PTPRN2: variants seen among roughly 807,000 people sequenced by gnomAD.
PTPRN2 encodes the protein protein tyrosine phosphatase receptor type N2.
PTPRN2 carries 74 observed loss-of-function variants against 118.8 expected under a neutral mutation model. The ratio of observed to expected loss-of-function variants is 0.62; its 90% confidence interval spans 0.52 to 0.76. The LOEUF is 0.76. PTPRN2 is among the 30% of genes least tolerant of loss of function. The probability of loss-of-function intolerance (pLI) is 0.00; values close to 1 mark genes in which losing one functional copy is unlikely to be tolerated. For missense variants in PTPRN2, 1,481 were observed against 1,394.4 expected, an observed-to-expected ratio of 1.06 and a Z score of -0.99; for synonymous variants, 641 against 608.0, an observed-to-expected ratio of 1.05 and a Z score of -0.80.
rs562437225 is a variant in PTPRN2, at chr7:157,801,796, C to G, written c.1788+96877G>C. Among the ~76,000 whole-genome samples, 2 of 152,288 alleles carry G rather than the reference C, an allele frequency of 1.3e-5. No homozygotes were observed. Among genetic ancestry groups the G allele is most frequent in the South Asian group, 4.1e-4 (2 of 4,820 alleles). On this transcript the variant is annotated intron_variant, in intron 12 of 22. Coordinates refer to ENST00000389418, the MANE Select transcript of PTPRN2 (RefSeq NM_002847.5). This position sits in a 1 kb window ranked among gnomAD's most constrained non-coding sequence, Gnocchi z 4.2. ...TTAGTGGAAGAACAGAACGGCCGCA[C>G]AGAAAGTGCTTGGTCCTTGGCTTCC... is the stretch of plus-strand genomic sequence containing the variant.
chr7:158,084,663 G>A (rs922375272), intron 10 of PTPRN2, among the ~76,000 whole-genome samples: 62 of 147,774 alleles, frequency 4.2e-4, no homozygotes, highest in African/African-American at 1.5e-3. Flanking sequence ...CATCCTCGAC[G>A]CCCATCCACA....
intron 9 of PTPRN2, among the ~76,000 whole-genome samples, chr7:158,126,616 AGCCCCCGGAGAGCGGGCGGCGGAAC>A (rs1817700330): frequency 1.3e-5 from 1 of 79,812 alleles, no homozygotes; most frequent in Non-Finnish European, 2.3e-5. Context: ...CCGCCACACC[AGCCCCCGGAGAGCGGGCGGCGGAAC>A]TTCCTCTCCA....
chr7:158,329,691 C>A (rs1050048649), intron 2 of PTPRN2, among the ~76,000 whole-genome samples: 1 of 152,184 alleles, frequency 6.6e-6, no homozygotes, highest in Non-Finnish European at 1.5e-5. Context: ...TGGACTAAGA[C>A]ACTGCGTATT....
intron 6 of PTPRN2, among the ~76,000 whole-genome samples, chr7:158,161,237 T>C (rs536126105): frequency 6.6e-6 from 1 of 152,266 alleles, no homozygotes; most frequent in Non-Finnish European, 1.5e-5. Flanking sequence ...AGTTTATATG[T>C]AGAGGCGAGT....
chr7:158,149,273 A>T (rs1002933489), intron 6 of PTPRN2, among the ~76,000 whole-genome samples: 4 of 152,120 alleles, frequency 2.6e-5, no homozygotes, highest in African/African-American at 9.7e-5. Context: ...TCCAACCAAA[A>T]GACCTCCAAA....
rs1826149223 is a variant in PTPRN2 at position 158,544,154 on chromosome 7, C to T, written c.112+43404G>A. On this transcript the variant is annotated intron_variant, in intron 1 of 22. Coordinates refer to ENST00000389418, the MANE Select transcript of PTPRN2 (RefSeq NM_002847.5). The surrounding 1 kb of genome is among the most constrained non-coding windows in gnomAD (Gnocchi z 4.2). ...CTGGGAGGGGCCAGAACCCAGTCCA[C>T]ACTCTGCCCGCATGATCTGCCTCTC... 6.6e-6 allele frequency among the ~76,000 whole-genome samples: 1 copy of T among 152,192 alleles called. No homozygotes were observed. The highest frequency in any genetic ancestry group is 2.1e-4 in the South Asian group (1 of 4,836).
chr7:157,840,896 C>A (rs752024047), intron 12 of PTPRN2, among the ~76,000 whole-genome samples: 36 of 152,252 alleles, frequency 2.4e-4, no homozygotes, highest in Non-Finnish European at 3.8e-4. Flanking sequence ...GGCGCCCTCT[C>A]AGGCAGTGCC....
chr7:158,296,499 T>C (rs1447998583), intron 3 of PTPRN2, among the ~76,000 whole-genome samples: 1 of 152,176 alleles, frequency 6.6e-6, no homozygotes, highest in Non-Finnish European at 1.5e-5. Context: ...GAAAGCCCCC[T>C]GTCCTTGCAA....
At chr7:157,612,626 G>A (rs1311518623) in intron 15 of PTPRN2, among the ~76,000 whole-genome samples, 1 of 152,214 alleles carries the variant, frequency 6.6e-6, no homozygotes, top group Non-Finnish European at 1.5e-5. Context: ...GCCGCAGAAG[G>A]CAGTGACCTC....
At chr7:157,606,544 C>A (rs1225123945) in intron 15 of PTPRN2, among the ~76,000 whole-genome samples, 2 of 152,366 alleles carry the variant, frequency 1.3e-5, no homozygotes, top group East Asian at 3.9e-4. Context: ...CACACAACAC[C>A]AATTTCCATC....
intron 17 of PTPRN2, among the ~76,000 whole-genome samples, chr7:157,582,270 C>T (rs1228004112): frequency 2.0e-5 from 3 of 152,200 alleles, no homozygotes; most frequent in Admixed American, 6.5e-5. Flanking sequence ...ACTCTAGGTC[C>T]TTTTTGAGTG....
At chr7:158,082,672 A>G (rs555289387) in intron 10 of PTPRN2, among the ~76,000 whole-genome samples, 18 of 152,316 alleles carry the variant, frequency 1.2e-4, no homozygotes, top group Admixed American at 9.2e-4. Flanking sequence ...TGGCTTCCTT[A>G]TGCCAGGAAT....
At chr7:158,456,054 G>C (rs1818461478) in intron 2 of PTPRN2, among the ~76,000 whole-genome samples, 1 of 150,798 alleles carries the variant, frequency 6.6e-6, no homozygotes, top group African/African-American at 2.5e-5. Context: ...TCGCTCTGCA[G>C]AGAAGACAAC....
At chr7:157,840,474 A>G (rs1036320382) in intron 12 of PTPRN2, among the ~76,000 whole-genome samples, 11 of 143,896 alleles carry the variant, frequency 7.6e-5, no homozygotes, top group Admixed American at 3.4e-4. Context: ...CTGTGTGGCC[A>G]CGTGTGACTG....
chr7:158,449,367 A>G (rs1252256867), intron 2 of PTPRN2, among the ~76,000 whole-genome samples: 3 of 152,222 alleles, frequency 2.0e-5, no homozygotes, highest in Admixed American at 2.0e-4. Context: ...AGCAGATACA[A>G]TCATGCTATA....
intron 3 of PTPRN2, among the ~76,000 whole-genome samples, chr7:158,241,788 C>T (rs949768531): frequency 1.3e-5 from 2 of 152,184 alleles, no homozygotes; most frequent in African/African-American, 4.8e-5. Flanking sequence ...AGGTCCTCCC[C>T]AAATGATCAC....
intron 14 of PTPRN2, among the ~76,000 whole-genome samples, chr7:157,630,607 A>C (rs1440532455): frequency 6.6e-6 from 1 of 152,192 alleles, no homozygotes; most frequent in Non-Finnish European, 1.5e-5. Flanking sequence ...AAGCAACTTG[A>C]GATGCAGGGC....
At chr7:158,247,669 T>G (rs1796346158) in intron 3 of PTPRN2, among the ~76,000 whole-genome samples, 1 of 152,066 alleles carries the variant, frequency 6.6e-6, no homozygotes, top group Admixed American at 6.6e-5. Context: ...CAGGCTGGAG[T>G]GCTATGGTGC....
intron 2 of PTPRN2, among the ~76,000 whole-genome samples, chr7:158,368,091 G>A (rs1393621856): frequency 6.6e-6 from 1 of 152,186 alleles, no homozygotes; most frequent in Non-Finnish European, 1.5e-5. Context: ...AAACCTTATT[G>A]ATGAGGCTTT....
Sources: allele counts gnomAD v4.1 joint callset (sites outside exome capture counted in the v4.1 genomes callset), GRCh38; gene constraint gnomAD v4.1.1; non-coding constraint Gnocchi (gnomAD v3.1); transcripts MANE v1.5; gene names NCBI Gene and HGNC (gene_info 2026-07-23, HGNC 2026-07-21).